Variants in METTL25 observed in about 807,000 individuals in gnomAD.
The protein encoded by METTL25 is methyltransferase like 25.
A neutral mutation model predicts 71.6 loss-of-function variants in METTL25; 64 were observed. That is an observed-to-expected ratio of 0.89 (90% CI 0.73 to 1.10). The LOEUF (loss-of-function observed/expected upper bound fraction) is 1.10, where lower values mean the gene tolerates loss of function less well. Among genes scored for constraint, METTL25 ranks in the 50% least tolerant of loss-of-function variants. The pLI is 0.00. For missense variants in METTL25, 807 were observed against 707.0 expected (o/e 1.14, Z -1.60); for synonymous variants, 287 against 250.3 (o/e 1.15, Z -1.38).
chr12:82,432,366 T>C lies in METTL25; in HGVS notation c.1374+1379T>C, dbSNP rs145978059. On this transcript the variant is annotated intron_variant, in intron 6 of 11. Transcript: ENST00000248306. ...TAAATGGTACTTGTTCAAGGTCTTG[T>C]TAGAATGACAGCTTCTTCTTGGGAT... Among the ~76,000 whole-genome samples the C allele has an allele frequency of 3.8e-3, 582 of 151,762 alleles. 4 individuals carry two copies. The highest frequency in any genetic ancestry group is 0.013 in the African/African-American group (541 of 41,480).
rs762845790 is a variant in METTL25 at position 82,477,359 on chromosome 12, T to TA, written c.1719+8dup. On this transcript the variant is annotated splice_region_variant and intron_variant, in intron 11 of 11. Coordinates refer to ENST00000248306, the MANE Select transcript of METTL25 (RefSeq NM_032230.3). ...TTGTTACCTGAAAGAGCAGGTAAAT[T>TA]ATGTTATTTTAAAATACACAACAAA... The TA allele has an allele frequency of 2.6e-5, 38 of 1,456,928 alleles. No homozygotes were observed. Among genetic ancestry groups the TA allele is most frequent in the Admixed American group, 2.5e-4 (13 of 51,506 alleles). The allele number at this position is 1,456,928 out of a possible 1,614,324, so 90.3% of individuals were successfully genotyped here.
chr12:82,419,262 A>G (rs1888253993), intron 5 of METTL25, among the ~76,000 whole-genome samples: 1 of 152,140 alleles, frequency 6.6e-6, no homozygotes, highest in South Asian at 2.1e-4. Context: ...CCAGGATTTA[A>G]GGCAGGAAGA....
intron 3 of METTL25, among the ~76,000 whole-genome samples, chr12:82,395,219 A>C (rs956189620): frequency 6.6e-6 from 1 of 152,080 alleles, no homozygotes; most frequent in Non-Finnish European, 1.5e-5. Context: ...ATTAGCTCCT[A>C]TCTGAGCAGG....
At chr12:82,384,566 GA>G (rs1884776486) in intron 1 of METTL25, among the ~76,000 whole-genome samples, 1 of 151,692 alleles carries the variant, frequency 6.6e-6, no homozygotes, top group Admixed American at 6.6e-5. Context: ...ACTAGGGTTA[GA>G]CCAAAATACC....
intron 8 of METTL25, among the ~76,000 whole-genome samples, chr12:82,454,237 A>G (rs551880307): frequency 6.6e-6 from 1 of 152,234 alleles, no homozygotes; most frequent in African/African-American, 2.4e-5. Flanking sequence ...TAGGAGCCCA[A>G]CTTCTGGAGG....
Position 82,478,913 on chromosome 12 carries a change from A to G in METTL25, c.1720-19A>G, listed in dbSNP as rs750010956. 1 of 1,598,130 alleles carries G rather than the reference A, an allele frequency of 6.3e-7. No individual in the cohort carries two copies. The highest frequency in any genetic ancestry group is 1.1e-5 in the South Asian group (1 of 89,980). On this transcript the variant is annotated intron_variant, in intron 11 of 11. Coordinates refer to ENST00000248306, the MANE Select transcript of METTL25 (RefSeq NM_032230.3). ...CTTCAACAAATGGTTGTATATCTAAATCACTTATTAATTTACAGGAAGATA... is the reference window on the plus strand; with the variant it reads ...CTTCAACAAATGGTTGTATATCTAAGTCACTTATTAATTTACAGGAAGATA...
At chr12:82,474,906 G>A (rs1235539137) in intron 9 of METTL25, among the ~76,000 whole-genome samples, 6 of 152,266 alleles carry the variant, frequency 3.9e-5, no homozygotes, top group Middle Eastern at 3.4e-3. Context: ...TATAATGAAG[G>A]TAAAAGAGGG....
At chr12:82,371,420 C>T (rs1414962981) in intron 1 of METTL25, among the ~76,000 whole-genome samples, 3 of 152,162 alleles carry the variant, frequency 2.0e-5, no homozygotes, top group African/African-American at 4.8e-5. Context: ...GCTTGTTTCT[C>T]GTTGGACAGT....
At chr12:82,365,443 CAGCAAAA>C (rs1882453758) in intron 1 of METTL25, among the ~76,000 whole-genome samples, 1 of 152,130 alleles carries the variant, frequency 6.6e-6, no homozygotes, top group Non-Finnish European at 1.5e-5. Context: ...TAACCATCTG[CAGCAAAA>C]AAGCCAGTAG....
chr12:82,455,513 T>A (rs932190709), intron 8 of METTL25, among the ~76,000 whole-genome samples: 3 of 151,950 alleles, frequency 2.0e-5, no homozygotes, highest in East Asian at 1.9e-4. Context: ...AAAAGATTAT[T>A]ATTAGTCATG....
intron 5 of METTL25, among the ~76,000 whole-genome samples, chr12:82,418,312 A>G (rs1327715522): frequency 6.6e-6 from 1 of 152,128 alleles, no homozygotes; most frequent in Non-Finnish European, 1.5e-5. Flanking sequence ...GTTTTGATAA[A>G]TATATTGTAC....
chr12:82,469,772 C>G (rs924100316), intron 9 of METTL25, among the ~76,000 whole-genome samples: 1 of 152,012 alleles, frequency 6.6e-6, no homozygotes, highest in Non-Finnish European at 1.5e-5. Flanking sequence ...TTATGCCCAT[C>G]ACTGTAGAAG....
chr12:82,461,865 T>C (rs938327344), intron 9 of METTL25, among the ~76,000 whole-genome samples: 1 of 152,188 alleles, frequency 6.6e-6, no homozygotes, highest in Non-Finnish European at 1.5e-5. Flanking sequence ...ACGCATAGAA[T>C]AGATTAGAGT....
intron 5 of METTL25, among the ~76,000 whole-genome samples, chr12:82,406,229 A>G (rs1175914516): frequency 6.6e-6 from 1 of 152,182 alleles, no homozygotes; most frequent in East Asian, 1.9e-4. Flanking sequence ...CCTCAATCCT[A>G]GGAACCAGAT....
chr12:82,458,607 A>G lies in METTL25; in HGVS notation c.1572+1787A>G, dbSNP rs75266527. On this transcript the variant is annotated intron_variant, in intron 9 of 11. Coordinates refer to ENST00000248306, the MANE Select transcript of METTL25 (RefSeq NM_032230.3). ...TGTGAGTTTTACCTTAATGAGCTCA[A>G]CCTGGTTTTAGAGAATAGTGGAGAA... Among the ~76,000 whole-genome samples the G allele has an allele frequency of 3.3e-3, 500 of 152,222 alleles. 5 individuals carry two copies. Among genetic ancestry groups the G allele is most frequent in the African/African-American group, 0.011 (474 of 41,550 alleles).
chr12:82,424,163 T>A (rs546741727), intron 5 of METTL25, among the ~76,000 whole-genome samples: 1 of 152,248 alleles, frequency 6.6e-6, no homozygotes, highest in Non-Finnish European at 1.5e-5. Flanking sequence ...TAGACTGGAT[T>A]AAGAAAATGT....
At chr12:82,397,130 G>A (rs1565826605) in intron 3 of METTL25, among the ~76,000 whole-genome samples, 1 of 151,956 alleles carries the variant, frequency 6.6e-6, no homozygotes, top group East Asian at 1.9e-4. Context: ...AGATGGATGG[G>A]TCATATGTAA....
Position 82,424,371 on chromosome 12 carries a change from C to T in METTL25, c.1280-6522C>T, listed in dbSNP as rs991063840. Among the ~76,000 whole-genome samples, 10 of 152,120 alleles carry T rather than the reference C, an allele frequency of 6.6e-5. No homozygotes were observed. In the East Asian group the frequency reaches 1.9e-3, roughly 30 times the overall value. On this transcript the variant is annotated intron_variant, in intron 5 of 11. Transcript: ENST00000248306. Reference sequence around the variant, plus strand: ...TGGACACAGGAAGGGGAGCATCACACCCCGGGGCCTGTTGTGGGGTGGGGG... The same window carrying T: ...TGGACACAGGAAGGGGAGCATCACATCCCGGGGCCTGTTGTGGGGTGGGGG...
chr12:82,398,300 TC>T (rs1403322650), intron 3 of METTL25, among the ~76,000 whole-genome samples: 1 of 151,806 alleles, frequency 6.6e-6, no homozygotes, highest in East Asian at 1.9e-4. Flanking sequence ...GCCAGGGCAG[TC>T]TCAAACTCTT....
Sources: gnomAD v4.1 joint callset for allele counts (sites outside exome capture counted in the v4.1 genomes callset) on GRCh38, gnomAD v4.1.1 for gene constraint, MANE v1.5 for transcripts, NCBI Gene and HGNC (gene_info 2026-07-23, HGNC 2026-07-21) for gene names.